PDE4B: variants seen among roughly 807,000 people sequenced by gnomAD.
PDE4B encodes the protein phosphodiesterase 4B.
A neutral mutation model predicts 82.2 loss-of-function variants in PDE4B; 20 were observed. The ratio of observed to expected loss-of-function variants is 0.24; its 90% CI spans 0.17 to 0.35. The LOEUF is 0.35. Ranked by LOEUF, PDE4B falls within the 10% of genes least tolerant of loss-of-function variation. PDE4B has a pLI of 1.00. For missense variants in PDE4B, 655 were observed against 907.2 expected (o/e 0.72, Z 3.57); for synonymous variants, 320 against 318.9 (o/e 1.00, Z -0.04).
chr1:66,217,331 G>A (rs919401608), intron 3 of PDE4B, among the ~76,000 whole-genome samples: 1 of 152,114 alleles, frequency 6.6e-6, no homozygotes, highest in Non-Finnish European at 1.5e-5. Flanking sequence ...ATTGAGATGC[G>A]CAATGACTAG....
chr1:66,247,770 G>A, intron 4 of PDE4B, 116 bp downstream of exon 4: 1 of 758,334 alleles, frequency 1.3e-6, no homozygotes, highest in East Asian at 2.7e-5. Flanking sequence ...GGAAGAAAAT[G>A]AATATGAGCA....
At chr1:66,049,496 GTA>G (rs1355329116) in intron 3 of PDE4B, among the ~76,000 whole-genome samples, 1 of 152,006 alleles carries the variant, frequency 6.6e-6, no homozygotes, top group Admixed American at 6.6e-5. Context: ...GCTGAAGAGA[GTA>G]TCTAAGTAAG....
chr1:65,938,938 G>T (rs1648298678), intron 3 of PDE4B, among the ~76,000 whole-genome samples: 1 of 152,110 alleles, frequency 6.6e-6, no homozygotes, highest in Non-Finnish European at 1.5e-5. Flanking sequence ...TTTGATAGCA[G>T]TATGGAAGAT....
intron 1 of PDE4B, among the ~76,000 whole-genome samples, chr1:65,885,481 A>G (rs915039690): frequency 3.3e-5 from 5 of 152,144 alleles, no homozygotes; most frequent in African/African-American, 1.2e-4. Flanking sequence ...TCAATGATAG[A>G]CTGGATTAAG....
At chr1:65,897,492 C>T (rs1487495424) in intron 1 of PDE4B, among the ~76,000 whole-genome samples, 1 of 151,954 alleles carries the variant, frequency 6.6e-6, no homozygotes, top group Admixed American at 6.6e-5. Context: ...AGTTTTTCAG[C>T]CCTTGACCCC....
At chr1:66,154,476 C>T (rs377005927) in intron 3 of PDE4B, among the ~76,000 whole-genome samples, 4 of 152,280 alleles carry the variant, frequency 2.6e-5, no homozygotes, top group African/African-American at 9.6e-5. Context: ...AAGGGACTCT[C>T]GGGAAATCAC....
chr1:66,108,811 C>T (rs928295790), intron 3 of PDE4B, among the ~76,000 whole-genome samples: 2 of 151,870 alleles, frequency 1.3e-5, no homozygotes, highest in Non-Finnish European at 2.9e-5. Context: ...TTTCTGCTTA[C>T]AAAGCTGTTT....
intron 8 of PDE4B, among the ~76,000 whole-genome samples, chr1:66,341,070 G>A (rs992847506): frequency 2.6e-5 from 4 of 152,144 alleles, no homozygotes; most frequent in African/African-American, 4.8e-5. Context: ...CTAGAAGAGA[G>A]CCTTAAGTAT....
At chr1:66,284,828 C>A (rs757464003) in intron 7 of PDE4B, among the ~76,000 whole-genome samples, 2 of 152,102 alleles carry the variant, frequency 1.3e-5, no homozygotes, top group Admixed American at 6.6e-5. Context: ...CTTTGCATAC[C>A]TTCCAAGATT....
chr1:66,023,486 A>T (rs2100775012), intron 3 of PDE4B, among the ~76,000 whole-genome samples: 1 of 152,260 alleles, frequency 6.6e-6, no homozygotes, highest in Middle Eastern at 3.4e-3. Flanking sequence ...GAGACAATAA[A>T]CACAGTAAGA....
intron 3 of PDE4B, among the ~76,000 whole-genome samples, chr1:66,158,010 G>C (rs1646535020): frequency 6.6e-6 from 1 of 152,210 alleles, no homozygotes; most frequent in Non-Finnish European, 1.5e-5. Context: ...ATTGCAGTTT[G>C]TGTTGATGAG....
chr1:66,072,842 A>G (rs1028489975), intron 3 of PDE4B, among the ~76,000 whole-genome samples: 2 of 152,152 alleles, frequency 1.3e-5, no homozygotes, highest in African/African-American at 4.8e-5. Flanking sequence ...AATAGAAAAT[A>G]AAGTATAATA....
rs71058435 is a variant in PDE4B at position 65,920,959 on chromosome 1, C to CTTTTT, written c.281+2147_281+2151dup. Among the ~76,000 whole-genome samples, 18 of 68,152 alleles carry CTTTTT rather than the reference C, an allele frequency of 2.6e-4. 2 individuals carry two copies. The highest frequency in any genetic ancestry group is 1.5e-3 in the South Asian group (2 of 1,370). 44.7% of individuals were successfully genotyped at this position (68,152 alleles called of 152,430 possible). A position where few individuals can be genotyped will look rare whatever the true frequency, so the allele number is the denominator to read the frequency against. ...AAAACATAAGTAACTAAAAGCATTT[C>CTTTTT]TTTTTTTTTTTTTTTTTTTTTTTTT... On this transcript the variant is annotated intron_variant, in intron 3 of 16. Coordinates refer to ENST00000341517, the MANE Select transcript of PDE4B (RefSeq NM_002600.4).
chr1:65,885,618 A>T lies in PDE4B; in HGVS notation c.-70-27627A>T, dbSNP rs189538398. 1.3e-4 allele frequency among the ~76,000 whole-genome samples: 20 copies of T among 152,004 alleles called. No individual in the cohort carries two copies. In the South Asian group the frequency reaches 3.3e-3, roughly 25 times the overall value. Reference sequence around the variant, plus strand: ...CAGCAAACTATCACAAGAACAAAAAACCAAACACCACATGTTCTCACTCAT... The same window carrying T: ...CAGCAAACTATCACAAGAACAAAAATCCAAACACCACATGTTCTCACTCAT... On this transcript the variant is annotated intron_variant, in intron 1 of 16. Coordinates refer to ENST00000341517, the MANE Select transcript of PDE4B (RefSeq NM_002600.4).
chr1:66,336,071 G>A (rs1257189482), intron 8 of PDE4B, among the ~76,000 whole-genome samples: 4 of 152,210 alleles, frequency 2.6e-5, no homozygotes, highest in African/African-American at 9.6e-5. Flanking sequence ...AGCCTCAGCA[G>A]GGTCCCCAGC....
At chr1:66,060,487 C>T (rs1655527560) in intron 3 of PDE4B, among the ~76,000 whole-genome samples, 1 of 152,076 alleles carries the variant, frequency 6.6e-6, no homozygotes, top group Non-Finnish European at 1.5e-5. Flanking sequence ...TTATGGTTGT[C>T]CAAACTGTTT....
At chr1:66,059,347 G>A (rs1655467502) in intron 3 of PDE4B, among the ~76,000 whole-genome samples, 1 of 152,162 alleles carries the variant, frequency 6.6e-6, no homozygotes, top group African/African-American at 2.4e-5. Context: ...ACCTCTGCCT[G>A]TTACCCAGTT....
At chr1:66,229,299 A>G (rs955710448) in intron 3 of PDE4B, among the ~76,000 whole-genome samples, 3 of 152,074 alleles carry the variant, frequency 2.0e-5, no homozygotes, top group African/African-American at 4.8e-5. Context: ...GTGAGCCACC[A>G]TGCCCGGCCC....
intron 3 of PDE4B, among the ~76,000 whole-genome samples, chr1:66,182,234 T>C (rs1247888074): frequency 6.6e-6 from 1 of 152,168 alleles, no homozygotes; most frequent in Non-Finnish European, 1.5e-5. Flanking sequence ...TAAATGATGG[T>C]AAAGCTTCGT....
Sources: gnomAD v4.1 joint callset for allele counts (sites outside exome capture counted in the v4.1 genomes callset) on GRCh38, gnomAD v4.1.1 for gene constraint, MANE v1.5 for transcripts, NCBI Gene and HGNC (gene_info 2026-07-23, HGNC 2026-07-21) for gene names.